BRD10: variants seen among roughly 807,000 people sequenced by gnomAD.
BRD10 encodes the protein uncharacterized bromodomain-containing protein 10.
chr9:5,912,705 AC>A, the BRD10 span, among the ~76,000 whole-genome samples: 1 of 152,118 alleles, frequency 6.6e-6, no homozygotes, highest in African/African-American at 2.4e-5. Context: ...AATGAGCCTC[AC>A]CCATAAGCAT....
the BRD10 span, among the ~76,000 whole-genome samples, chr9:5,927,061 G>A: frequency 3.9e-5 from 6 of 152,110 alleles, no homozygotes; most frequent in African/African-American, 1.4e-4. Flanking sequence ...ATCATAAAAT[G>A]AATTTCCCTT....
the BRD10 span, among the ~76,000 whole-genome samples, chr9:5,885,028 G>C: frequency 1.3e-5 from 2 of 152,190 alleles, no homozygotes; most frequent in Non-Finnish European, 1.5e-5. Flanking sequence ...TCTTGCTCTC[G>C]GGTGTCTGAG....
chr9:5,992,898 T>C, the BRD10 span, among the ~76,000 whole-genome samples: 8 of 145,040 alleles, frequency 5.5e-5, no homozygotes, highest in African/African-American at 1.5e-4. Flanking sequence ...CTACTAAAAA[T>C]AGATGTTTGA....
At chr9:5,922,012 AGTT>A in the BRD10 span, 3 of 1,614,044 alleles carry the variant, frequency 1.9e-6, no homozygotes, top group Non-Finnish European at 2.5e-6. Flanking sequence ...CAGAGGAAGA[AGTT>A]GTTGATTTTG....
At chr9:5,927,463 T>TA in the BRD10 span, among the ~76,000 whole-genome samples, 1 of 152,070 alleles carries the variant, frequency 6.6e-6, no homozygotes, top group Non-Finnish European at 1.5e-5. Context: ...CTCTTTTCCT[T>TA]CCAGATACTG....
chr9:5,927,155 C>T, the BRD10 span, among the ~76,000 whole-genome samples: 64 of 152,224 alleles, frequency 4.2e-4, no homozygotes, highest in East Asian at 9.6e-4. Flanking sequence ...GTAACCTTCT[C>T]GGTCTCAGTT....
chr9:5,994,183 A>T, the BRD10 span, among the ~76,000 whole-genome samples: 7 of 152,180 alleles, frequency 4.6e-5, no homozygotes, highest in African/African-American at 1.4e-4. Context: ...ATGTTAAAAA[A>T]TTTTTTAAAT....
At chr9:6,002,910 C>G in the BRD10 span, among the ~76,000 whole-genome samples, 1 of 152,152 alleles carries the variant, frequency 6.6e-6, no homozygotes, top group Non-Finnish European at 1.5e-5. Flanking sequence ...GTCTCAAACT[C>G]TGGGCCTCAA....
the BRD10 span, among the ~76,000 whole-genome samples, chr9:5,928,275 T>C: frequency 6.6e-6 from 1 of 152,194 alleles, no homozygotes; most frequent in Non-Finnish European, 1.5e-5. Flanking sequence ...AGTCCAAGCC[T>C]CTACCATTTT....
the BRD10 span, among the ~76,000 whole-genome samples, chr9:5,930,369 T>TTTTATATATAATATATATATATATATA: frequency 7.9e-4 from 107 of 135,526 alleles, 1 homozygote; most frequent in African/African-American, 3.0e-3. Context: ...TATAAGGAGA[T>TTTTATATATAATATATATATATATATA]TATATATATA....
chr9:5,982,847 T>A, the BRD10 span, among the ~76,000 whole-genome samples: 1 of 152,250 alleles, frequency 6.6e-6, no homozygotes, highest in African/African-American at 2.4e-5. Context: ...GATTGGCATC[T>A]GGGGAGGATG....
At chr9:5,926,051 G>C in the BRD10 span, among the ~76,000 whole-genome samples, 4 of 152,050 alleles carry the variant, frequency 2.6e-5, no homozygotes, top group Non-Finnish European at 4.4e-5. Flanking sequence ...CTGAGTAGCT[G>C]GGATTACAGA....
At chr9:5,977,431 C>A in the BRD10 span, among the ~76,000 whole-genome samples, 1 of 152,282 alleles carries the variant, frequency 6.6e-6, no homozygotes, top group East Asian at 1.9e-4. Context: ...CTTTCCTGAT[C>A]CTCAGTAGTG....
At chr9:5,997,843 G>T in the BRD10 span, among the ~76,000 whole-genome samples, 42 of 152,110 alleles carry the variant, frequency 2.8e-4, no homozygotes, top group Non-Finnish European at 7.4e-5. Flanking sequence ...ATTCCTGTCT[G>T]CTCTGAGCTT....
chr9:5,919,585 A>ACACACACACACACACACAC, the BRD10 span: 4 of 351,182 alleles, frequency 1.1e-5, no homozygotes, highest in East Asian at 6.0e-5. Context: ...CACACACACA[A>ACACACACACACACACACAC]TGTATAGTAT....
chr9:5,968,193 T>C, the BRD10 span: 2 of 1,612,422 alleles, frequency 1.2e-6, no homozygotes, highest in South Asian at 2.2e-5. Context: ...TTTGCCCTCA[T>C]TTTAGTTAGT....
chr9:5,900,647 T>C, the BRD10 span, among the ~76,000 whole-genome samples: 1 of 152,190 alleles, frequency 6.6e-6, no homozygotes, highest in Non-Finnish European at 1.5e-5. Context: ...ACTTTTCAAC[T>C]TCCATTTGTC....
the BRD10 span, among the ~76,000 whole-genome samples, chr9:6,006,225 A>G: frequency 6.6e-6 from 1 of 152,224 alleles, no homozygotes; most frequent in Non-Finnish European, 1.5e-5. Context: ...TTAACTCATT[A>G]AATCCTCAAA....
chr9:5,995,467 TTCTC>T, the BRD10 span, among the ~76,000 whole-genome samples: 1 of 151,892 alleles, frequency 6.6e-6, no homozygotes, highest in African/African-American at 2.4e-5. Context: ...CAAACTCTCT[TTCTC>T]TGTCTGTTAG....
Sources: allele counts gnomAD v4.1 joint callset (sites outside exome capture counted in the v4.1 genomes callset), GRCh38; gene constraint gnomAD v4.1.1; transcripts MANE v1.5; gene names NCBI Gene and HGNC (gene_info 2026-07-23, HGNC 2026-07-21).